Variants in TPTE2 observed in about 807,000 individuals in gnomAD.
The protein encoded by TPTE2 is phosphatidylinositol 3,4,5-trisphosphate 3-phosphatase TPTE2.
Under a neutral mutation model 78.6 loss-of-function variants are expected in TPTE2, and 53 were observed. That is an observed-to-expected ratio of 0.67 (90% CI 0.54 to 0.85). The LOEUF is 0.85. Ranked by LOEUF, TPTE2 falls within the 40% of genes least tolerant of loss-of-function variation. The probability of loss-of-function intolerance (pLI) is 0.00; values close to 1 mark genes in which losing one functional copy is unlikely to be tolerated. For missense variants in TPTE2, 461 were observed against 623.0 expected (o/e 0.74, Z 2.77); for synonymous variants, 175 against 206.2 (o/e 0.85, Z 1.30).
chr13:19,479,284 T>C (rs1880171572), intron 4 of TPTE2, among the ~76,000 whole-genome samples: 1 of 152,142 alleles, frequency 6.6e-6, no homozygotes, highest in African/African-American at 2.4e-5. Flanking sequence ...ATTCAAGGTG[T>C]GGAAGAAGAC....
chr13:19,547,184 A>ACGTGGG, the TPTE2 span, among the ~76,000 whole-genome samples: 1 of 152,076 alleles, frequency 6.6e-6, no homozygotes, highest in African/African-American at 2.4e-5. Flanking sequence ...GTAGCCGGGA[A>ACGTGGG]CGTGGCCCAC....
chr13:19,532,428 T>C (rs1436006017), intron 1 of TPTE2, among the ~76,000 whole-genome samples: 1 of 152,154 alleles, frequency 6.6e-6, no homozygotes, highest in African/African-American at 2.4e-5. Flanking sequence ...CAAAGTATTC[T>C]TCCCCCACTC....
chr13:19,498,912 T>C (rs1189522367), intron 1 of TPTE2, among the ~76,000 whole-genome samples: 1 of 152,052 alleles, frequency 6.6e-6, no homozygotes, highest in African/African-American at 2.4e-5. Flanking sequence ...CCATCTCACA[T>C]GCAGAGACAC....
chr13:19,433,290 C>T (rs954248639), intron 15 of TPTE2, among the ~76,000 whole-genome samples: 2 of 152,080 alleles, frequency 1.3e-5, no homozygotes, highest in African/African-American at 2.4e-5. Context: ...GATCACTGGG[C>T]GTCAGGAGTT....
At chr13:19,559,752 G>A in the TPTE2 span, among the ~76,000 whole-genome samples, 4 of 132,944 alleles carry the variant, frequency 3.0e-5, no homozygotes, top group African/African-American at 1.0e-4. Context: ...GCTTCGGCAA[G>A]GCCCCCTACA....
chr13:19,458,515 A>G, intron 10 of TPTE2: 2 of 384,694 alleles, frequency 5.2e-6, no homozygotes, highest in Non-Finnish European at 1.0e-5. Flanking sequence ...GATTCTCAAA[A>G]TACTCTATCA....
At chr13:19,504,245 C>T (rs1430184231), upstream of TPTE2, among the ~76,000 whole-genome samples, 1 of 152,120 alleles carries the variant, frequency 6.6e-6, no homozygotes, top group African/African-American at 2.4e-5. Flanking sequence ...ACAAACTAAG[C>T]ATTTGGTGGT....
intron 10 of TPTE2, among the ~76,000 whole-genome samples, chr13:19,455,149 C>T (rs1425288477): frequency 6.6e-6 from 1 of 152,148 alleles, no homozygotes; most frequent in Non-Finnish European, 1.5e-5. Context: ...AATAGCATAA[C>T]CTGGGTGAGA....
In TPTE2 at chr13:19,464,429, G is replaced by A. The variant is rs113739829; in HGVS notation, c.741+27C>T. 16 of 1,580,776 alleles carry A rather than the reference G, an allele frequency of 1.0e-5. No individual in the cohort carries two copies. The African/African-American group carries it at 1.2e-4, about 12-fold the overall frequency. ...ACACAGTCTACATTCACTGAGAAATGAGTATTTGTCAGATAAAGACCCTTA... is the reference window on the plus strand; with the variant it reads ...ACACAGTCTACATTCACTGAGAAATAAGTATTTGTCAGATAAAGACCCTTA... On this transcript the variant is annotated intron_variant, in intron 10 of 19. Transcript: ENST00000400230.
intron 4 of TPTE2, among the ~76,000 whole-genome samples, chr13:19,480,227 G>A (rs1414451112): frequency 2.6e-5 from 4 of 152,116 alleles, no homozygotes; most frequent in Non-Finnish European, 4.4e-5. Flanking sequence ...TGGCCATGAT[G>A]TAAAGCATGA....
At chr13:19,524,136 C>T (rs1254903389) in intron 1 of TPTE2, among the ~76,000 whole-genome samples, 1 of 152,070 alleles carries the variant, frequency 6.6e-6, no homozygotes, top group Non-Finnish European at 1.5e-5. Context: ...GGATTTAAAC[C>T]TGACAAAGTA....
At chr13:19,508,753 G>A (rs1409943470) in intron 1 of TPTE2, among the ~76,000 whole-genome samples, 2 of 152,110 alleles carry the variant, frequency 1.3e-5, no homozygotes, top group Non-Finnish European at 2.9e-5. Flanking sequence ...ACTGCAAAAT[G>A]TGAAAATTTA....
At chr13:19,561,106 C>T in the TPTE2 span, 7 of 1,605,168 alleles carry the variant, frequency 4.4e-6, no homozygotes, top group Non-Finnish European at 5.9e-6. Context: ...CCTCCTCTTC[C>T]TTGTGGCCTG....
At chr13:19,473,784 C>T (rs1184047610) in intron 6 of TPTE2, 130 bp downstream of exon 9, 8 of 758,602 alleles carry the variant, frequency 1.1e-5, no homozygotes, top group Admixed American at 3.7e-5. Context: ...TTAATAGAGA[C>T]GGGGTTTCAC....
chr13:19,552,038 G>A, the TPTE2 span, among the ~76,000 whole-genome samples: 38 of 152,332 alleles, frequency 2.5e-4, no homozygotes, highest in Middle Eastern at 6.8e-3. Context: ...ACCCAGTGAA[G>A]TAGATGATAT....
chr13:19,442,933 T>C (rs1261576288), intron 13 of TPTE2, among the ~76,000 whole-genome samples: 5 of 152,132 alleles, frequency 3.3e-5, no homozygotes, highest in Non-Finnish European at 5.9e-5. Flanking sequence ...TCTAGGCCAA[T>C]GTGCCTTCAC....
intron 18 of TPTE2, 118 bp downstream of exon 21, chr13:19,426,307 G>A (rs777999083): frequency 1.7e-5 from 13 of 746,510 alleles, no homozygotes; most frequent in East Asian, 1.3e-4. Flanking sequence ...TTATAGATCT[G>A]ATTTATTGTT....
chr13:19,443,727 TGGTAG>T, intron 13 of TPTE2, among the ~76,000 whole-genome samples: 1 of 138,306 alleles, frequency 7.2e-6, no homozygotes, highest in African/African-American at 2.7e-5. Context: ...AATCGATAAA[TGGTAG>T]CTAATACACA....
At chr13:19,540,893 A>G (rs1047925511), upstream of TPTE2, among the ~76,000 whole-genome samples, 1 of 152,106 alleles carries the variant, frequency 6.6e-6, no homozygotes, top group Non-Finnish European at 1.5e-5. Context: ...TTCTTCCTTT[A>G]TTAGCTGTCT....
Sources: gnomAD v4.1 joint callset for allele counts (sites outside exome capture counted in the v4.1 genomes callset) on GRCh38, gnomAD v4.1.1 for gene constraint, MANE v1.5 for transcripts, NCBI Gene and HGNC (gene_info 2026-07-23, HGNC 2026-07-21) for gene names.